The following DYTN variants were observed in gnomAD, a reference collection of about 807,000 sequenced individuals.
The protein encoded by DYTN is dystrotelin.
In DYTN, 75 loss-of-function variants were observed where a neutral mutation model predicts 69.6. That is an observed-to-expected ratio of 1.08 (90% CI 0.89 to 1.31). DYTN has a LOEUF of 1.31. DYTN is among the 50% of genes most tolerant of loss of function. The pLI is 0.00. For synonymous variants in DYTN, 252 were observed against 249.1 expected (o/e 1.01, Z -0.11); for missense variants, 726 against 688.4 (o/e 1.05, Z -0.61).
intron 4 of DYTN, 34 bp downstream of exon 4, chr2:206,705,754 C>T (rs1198464651): frequency 6.2e-7 from 1 of 1,603,860 alleles, no homozygotes; most frequent in Admixed American, 1.7e-5. Flanking sequence ...GGGCTCACTG[C>T]ACTTTAGGAC....
At chr2:206,676,797 T>G (rs1699694625) in intron 9 of DYTN, among the ~76,000 whole-genome samples, 1 of 152,082 alleles carries the variant, frequency 6.6e-6, no homozygotes, top group Admixed American at 6.6e-5. Flanking sequence ...ACATACAAAT[T>G]AACTATAATA....
chr2:206,664,302 A>C (rs937429293), intron 10 of DYTN, among the ~76,000 whole-genome samples: 2 of 152,190 alleles, frequency 1.3e-5, no homozygotes, highest in Admixed American at 6.5e-5. Context: ...ACAGTTTCTC[A>C]AAAATGAACA....
intron 2 of DYTN, among the ~76,000 whole-genome samples, chr2:206,709,460 G>GAC (rs141839059): frequency 0.015 from 2,243 of 148,718 alleles, 23 homozygotes; most frequent in Middle Eastern, 0.048. Context: ...CACACACACA[G>GAC]ACACACACAC....
chr2:206,717,217 C>T (rs569781457), intron 1 of DYTN, among the ~76,000 whole-genome samples: 1 of 152,156 alleles, frequency 6.6e-6, no homozygotes, highest in East Asian at 1.9e-4. Context: ...TGGGAAATAT[C>T]TTTTGACCAG....
At chr2:206,705,232 G>A (rs1700013941) in intron 4 of DYTN, among the ~76,000 whole-genome samples, 1 of 152,208 alleles carries the variant, frequency 6.6e-6, no homozygotes, top group Non-Finnish European at 1.5e-5. Context: ...GAGTAGCTGG[G>A]ATTACAGGCG....
intron 9 of DYTN, among the ~76,000 whole-genome samples, chr2:206,678,062 A>G (rs546983086): frequency 2.0e-5 from 3 of 152,308 alleles, no homozygotes; most frequent in Admixed American, 2.0e-4. Flanking sequence ...CAATAAGACT[A>G]AAAGGAAATA....
At position 206,699,607 on chromosome 2, in the gene DYTN, A is replaced by G. The variant is rs934249164; in HGVS notation, c.719+120T>C. ...TCTTGCCAGGAAATCATTGAGCCAA[A>G]AAAGTCAACTGAATTTCAGATGTGT... is the stretch of plus-strand genomic sequence containing the variant. On this transcript the variant is annotated intron_variant, in intron 7 of 11. Coordinates refer to ENST00000452335, the MANE Select transcript of DYTN (RefSeq NM_001093730.1). 7.0e-6 allele frequency: 9 copies of G among 1,281,078 alleles called. No individual in the cohort carries two copies. In the African/African-American group the frequency reaches 1.4e-4, roughly 19 times the overall value. The allele number at this position is 1,281,078 out of a possible 1,614,324, so 79.4% of individuals were successfully genotyped here.
intron 11 of DYTN, among the ~76,000 whole-genome samples, chr2:206,661,396 A>C (rs753426120): frequency 6.6e-6 from 1 of 152,184 alleles, no homozygotes; most frequent in Non-Finnish European, 1.5e-5. Flanking sequence ...ACTCCAACAT[A>C]AGACAACTTA....
chr2:206,707,793 A>G (rs1700042084), intron 2 of DYTN, among the ~76,000 whole-genome samples: 1 of 152,226 alleles, frequency 6.6e-6, no homozygotes, highest in East Asian at 1.9e-4. Flanking sequence ...AAAGAAGTTA[A>G]AAAGGGAAGT....
chr2:206,674,751 C>CTGT (rs1699664875), intron 9 of DYTN, among the ~76,000 whole-genome samples: 3 of 94,060 alleles, frequency 3.2e-5, no homozygotes, highest in African/African-American at 1.5e-4. Context: ...GAAATGTTTA[C>CTGT]TATTACTCTA....
chr2:206,680,150 G>A (rs1233782378), intron 9 of DYTN, among the ~76,000 whole-genome samples: 5 of 152,202 alleles, frequency 3.3e-5, no homozygotes, highest in Non-Finnish European at 5.9e-5. Context: ...CATGGCTGGG[G>A]AGGCCTCATA....
In DYTN at chr2:206,663,207, G is replaced by A. The variant is rs371223903; in HGVS notation, c.1329C>T (p.His443=). The part of the protein sequence containing the change: ...LDEVDRSHRS[H]TNAEHALRNP... ...TTCGCAGAGCATGCTCTGCATTTGT[G>A]TGACTTCTGTGACTTCTGTCAACCT... Residue 443 remains histidine (H), a synonymous_variant, in exon 11 of 12, where the codon CAC becomes CAT. Transcript: ENST00000452335. 6 of 1,613,802 alleles carry A rather than the reference G, an allele frequency of 3.7e-6. No homozygotes were observed. Among genetic ancestry groups the A allele is most frequent in the Non-Finnish European group, 5.1e-6 (6 of 1,179,892 alleles).
intron 11 of DYTN, among the ~76,000 whole-genome samples, chr2:206,653,732 A>G (rs1699414806): frequency 6.6e-6 from 1 of 152,202 alleles, no homozygotes; most frequent in South Asian, 2.1e-4. Context: ...TCCAGATTGT[A>G]CATGTTGATT....
chr2:206,708,516 G>C (rs904430675), intron 2 of DYTN, among the ~76,000 whole-genome samples: 1 of 152,216 alleles, frequency 6.6e-6, no homozygotes, highest in African/African-American at 2.4e-5. Context: ...ACAAGTTTCA[G>C]AATGTGACTT....
chr2:206,656,072 G>C (rs1326465285), intron 11 of DYTN, among the ~76,000 whole-genome samples: 1 of 152,038 alleles, frequency 6.6e-6, no homozygotes, highest in Non-Finnish European at 1.5e-5. Context: ...ATTATTGAAA[G>C]TGGTTTATTG....
At chr2:206,670,187 C>T (rs1166250808) in intron 9 of DYTN, among the ~76,000 whole-genome samples, 1 of 152,176 alleles carries the variant, frequency 6.6e-6, no homozygotes, top group Non-Finnish European at 1.5e-5. Context: ...ATACATAACA[C>T]AAGATATACA....
At chr2:206,678,194 A>G (rs1302513550) in intron 9 of DYTN, among the ~76,000 whole-genome samples, 1 of 152,234 alleles carries the variant, frequency 6.6e-6, no homozygotes, top group East Asian at 1.9e-4. Context: ...GTTGCCTTGT[A>G]CATTATGTGG....
rs868160157 is a variant in DYTN, at chr2:206,710,546, T to C, written c.72A>G (p.Gln24=). The part of the protein sequence containing the change: ...NSIYRTAFKL[Q]SVQTLCQLDL... ...TACACTGGCACAGAGTTTGCACTGA[T>C]TGTAATTTGAAGGCTGTTCTATAAA... Residue 24 remains glutamine, a synonymous_variant, in exon 2 of 12, where the codon CAA becomes CAG. Transcript: ENST00000452335. The C allele has an allele frequency of 1.9e-6, 3 of 1,612,372 alleles. No individual in the cohort carries two copies. The Middle Eastern group carries it at 5.0e-4, about 266-fold the overall frequency.
intron 1 of DYTN, among the ~76,000 whole-genome samples, chr2:206,716,098 A>G (rs554434316): frequency 2.6e-5 from 4 of 152,270 alleles, no homozygotes; most frequent in African/African-American, 9.6e-5. Flanking sequence ...AAAAACAAAC[A>G]AACAAACAAA....
Sources: allele counts gnomAD v4.1 joint callset (sites outside exome capture counted in the v4.1 genomes callset), GRCh38; gene constraint gnomAD v4.1.1; transcripts MANE v1.5; gene names NCBI Gene and HGNC (gene_info 2026-07-23, HGNC 2026-07-21).